The following KIF26B variants were observed in gnomAD, a reference collection of about 807,000 sequenced individuals.
KIF26B encodes the protein kinesin-like protein KIF26B.
A neutral mutation model predicts 151.2 loss-of-function variants in KIF26B; 63 were observed. The observed-to-expected ratio is 0.42, with a 90% CI of 0.34 to 0.51. The LOEUF (loss-of-function observed/expected upper bound fraction) is 0.51, where lower values mean the gene tolerates loss of function less well. Among genes scored for constraint, KIF26B ranks in the 20% least tolerant of loss-of-function variants. KIF26B has a pLI of 0.07. For synonymous variants in KIF26B, 1,357 were observed against 1,262.1 expected (o/e 1.08, Z -1.59); for missense variants, 2,813 against 2,913.6 (o/e 0.97, Z 0.79).
At chr1:245,405,101 A>G (rs1456983285) in intron 3 of KIF26B, among the ~76,000 whole-genome samples, 3 of 152,256 alleles carry the variant, frequency 2.0e-5, no homozygotes, top group Non-Finnish European at 4.4e-5. Context: ...CATCAGATGC[A>G]AAGTCTGTCA....
intron 2 of KIF26B, among the ~76,000 whole-genome samples, chr1:245,300,426 C>A (rs1372893177): frequency 6.6e-6 from 1 of 152,214 alleles, no homozygotes; most frequent in Non-Finnish European, 1.5e-5. Flanking sequence ...TTACTTCTAC[C>A]TCTCCTTTTT....
At chr1:245,273,435 A>C (rs1177979341) in intron 2 of KIF26B, among the ~76,000 whole-genome samples, 1 of 151,838 alleles carries the variant, frequency 6.6e-6, no homozygotes, top group East Asian at 1.9e-4. Context: ...AAAAAAAAAA[A>C]AAAAAACCCC....
At chr1:245,278,611 G>A (rs992824104) in intron 2 of KIF26B, among the ~76,000 whole-genome samples, 1 of 152,170 alleles carries the variant, frequency 6.6e-6, no homozygotes, top group African/African-American at 2.4e-5. Context: ...AAGGAAAGAT[G>A]AAGATAAATA....
rs200717016 is a variant in KIF26B, at chr1:245,471,123, G to GTATATA, written c.1166+51379_1166+51380insATATAT. ...ATTTAGATTTTGATAGTATGTGTGT[G>GTATATA]TGTGTGTGTATATATATATATATTT... On this transcript the variant is annotated intron_variant, in intron 4 of 14. Transcript: ENST00000407071. Among the ~76,000 whole-genome samples the GTATATA allele has an allele frequency of 1.3e-3, 182 of 139,662 alleles. 2 individuals carry two copies. The highest frequency in any genetic ancestry group is 4.4e-3 in the African/African-American group (176 of 39,586). The allele number at this position is 139,662 out of a possible 152,430, so 91.6% of individuals were successfully genotyped here.
chr1:245,522,838 C>G (rs74677752), intron 4 of KIF26B, among the ~76,000 whole-genome samples: 1,961 of 152,294 alleles, frequency 0.013, 38 homozygotes, highest in African/African-American at 0.044. Flanking sequence ...GCAGGGCTTA[C>G]AGCAAAGGCA....
At chr1:245,647,492 C>G (rs1464519732) in intron 10 of KIF26B, among the ~76,000 whole-genome samples, 1 of 149,706 alleles carries the variant, frequency 6.7e-6, no homozygotes, top group Non-Finnish European at 1.5e-5. Context: ...TGGCCAATAA[C>G]CAATGATGAA....
chr1:245,473,530 A>G (rs369113400), intron 4 of KIF26B, among the ~76,000 whole-genome samples: 1 of 147,132 alleles, frequency 6.8e-6, no homozygotes, highest in Non-Finnish European at 1.6e-5. Context: ...TCTTTCACTC[A>G]CTTGCTTTTT....
chr1:245,220,002 A>G (rs1435460593), intron 2 of KIF26B, among the ~76,000 whole-genome samples: 2 of 152,080 alleles, frequency 1.3e-5, no homozygotes, highest in Admixed American at 6.5e-5. Context: ...CCTTGCCTTC[A>G]TAGGAGACTT....
At chr1:245,544,404 G>A (rs1661692527) in intron 5 of KIF26B, among the ~76,000 whole-genome samples, 1 of 152,158 alleles carries the variant, frequency 6.6e-6, no homozygotes, top group Admixed American at 6.5e-5. Flanking sequence ...AGATGGCCCT[G>A]AAGGTGAGAG....
intron 14 of KIF26B, among the ~76,000 whole-genome samples, chr1:245,700,373 C>T (rs1421109761): frequency 2.0e-5 from 3 of 152,120 alleles, no homozygotes; most frequent in East Asian, 1.9e-4. Flanking sequence ...GTAATTATTA[C>T]TATTATCCCA....
rs1558271512 is a variant in KIF26B at position 245,686,895 on chromosome 1, T to A, written c.3912T>A (p.Phe1304Leu). Residue 1304 changes from phenylalanine (F) to leucine (L), a missense_variant, in exon 12 of 15, where the codon TTT (phenylalanine) becomes TTA (leucine). Coordinates refer to ENST00000407071, the MANE Select transcript of KIF26B (RefSeq NM_018012.4). This position sits in a 1 kb window ranked among gnomAD's most constrained non-coding sequence, Gnocchi z 5.6. ...ACAGTTTCATAGCCCAGACGTGTTT[T>A]GGGCACGGGGAGGCAATGGCAGAAC... ...SCHSFIAQTC[F>L]GHGEAMAEPV... 1 of 1,613,464 alleles carries A rather than the reference T, an allele frequency of 6.2e-7. No individual in the cohort carries two copies. The highest frequency in any genetic ancestry group is 8.5e-7 in the Non-Finnish European group (1 of 1,179,788).
intron 10 of KIF26B, among the ~76,000 whole-genome samples, chr1:245,680,751 A>T (rs2044423853): frequency 6.6e-6 from 1 of 152,198 alleles, no homozygotes; most frequent in Non-Finnish European, 1.5e-5. Context: ...TAACCCCAAA[A>T]TCAATACAGC....
At chr1:245,283,386 G>T (rs1182142378) in intron 2 of KIF26B, among the ~76,000 whole-genome samples, 2 of 152,032 alleles carry the variant, frequency 1.3e-5, no homozygotes, top group African/African-American at 2.4e-5. Flanking sequence ...TTTTTAGAGT[G>T]TTGCCCCCTA....
At position 245,166,264 on chromosome 1, in the gene KIF26B, C is replaced by CTTCCTTCCCTCT. The variant is rs1668612865; in HGVS notation, c.465+9590_465+9601dup. ...GATTCCTACCCTCCTTCCTTCCCTCCTTCCTTCCCTCTTTCCTTCCTTTTT... is the reference window on the plus strand; with the variant it reads ...GATTCCTACCCTCCTTCCTTCCCTCCTTCCTTCCCTCTTTCCTTCCCTCTTTCCTTCCTTTTT... On this transcript the variant is annotated intron_variant, in intron 2 of 14. Transcript: ENST00000407071. The surrounding 1 kb of genome is among the most constrained non-coding windows in gnomAD (Gnocchi z 4.5). Among the ~76,000 whole-genome samples, 1 of 152,184 alleles carries CTTCCTTCCCTCT rather than the reference C, an allele frequency of 6.6e-6. No homozygotes were observed. Among genetic ancestry groups the CTTCCTTCCCTCT allele is most frequent in the Admixed American group, 6.5e-5 (1 of 15,280 alleles).
chr1:245,419,811 C>A, intron 4 of KIF26B, 66 bp downstream of exon 4: 1 of 1,400,548 alleles, frequency 7.1e-7, no homozygotes, highest in Non-Finnish European at 9.8e-7. Flanking sequence ...CTCACGTGGA[C>A]TAGCTCAGCT....
chr1:245,241,556 C>G lies in KIF26B; in HGVS notation c.465+84873C>G, dbSNP rs897867929. ...TGCCTTACAGGTCACAGTCGAGGGC[C>G]TTCTTAAAAGCTGGCCCAAACCTGC... On this transcript the variant is annotated intron_variant, in intron 2 of 14. Coordinates refer to ENST00000407071, the MANE Select transcript of KIF26B (RefSeq NM_018012.4). This position sits in a 1 kb window ranked among gnomAD's most constrained non-coding sequence, Gnocchi z 5.0. Among the ~76,000 whole-genome samples the G allele has an allele frequency of 1.3e-5, 2 of 152,234 alleles. No individual in the cohort carries two copies. The highest frequency in any genetic ancestry group is 4.8e-5 in the African/African-American group (2 of 41,460).
chr1:245,672,160 A>C (rs1558262288), intron 10 of KIF26B, among the ~76,000 whole-genome samples: 1 of 151,346 alleles, frequency 6.6e-6, no homozygotes, highest in Non-Finnish European at 1.5e-5. Flanking sequence ...AGCCCCGAGG[A>C]CTCCATCTCG....
In KIF26B at chr1:245,687,205, G is replaced by A. The variant is rs2044539977; in HGVS notation, c.4222G>A (p.Glu1408Lys). 1.2e-6 allele frequency: 2 copies of A among 1,612,928 alleles called. No individual in the cohort carries two copies. The highest frequency in any genetic ancestry group is 8.5e-7 in the Non-Finnish European group (1 of 1,179,652). The change falls in exon 12 of 15, where the codon GAG becomes AAG. Residue 1408 changes from glutamate to lysine, a missense_variant. This residue lies in a region of KIF26B where 2,060 missense variants were observed against 2,088.6 expected (regional missense o/e 0.99). Coordinates refer to ENST00000407071, the MANE Select transcript of KIF26B (RefSeq NM_018012.4). This position sits in a 1 kb window ranked among gnomAD's most constrained non-coding sequence, Gnocchi z 4.9. ...GAGCCCCCGGAACATCCAAGAGCCG[G>A]AGGCCCCCACCGCCACCCCCAAAGC... Reference protein sequence around the residue: ...AMSPRNIQEPEAPTATPKAGP... With the variant: ...AMSPRNIQEPKAPTATPKAGP...
intron 9 of KIF26B, among the ~76,000 whole-genome samples, chr1:245,637,705 ATTC>A (rs2043850364): frequency 6.6e-6 from 1 of 152,030 alleles, no homozygotes; most frequent in Non-Finnish European, 1.5e-5. Context: ...CTCTAGTTTC[ATTC>A]TTCTGCATAT....
Sources: gnomAD v4.1 joint callset for allele counts (sites outside exome capture counted in the v4.1 genomes callset) on GRCh38, gnomAD v4.1.1 for gene constraint, gnomAD v4.1.1 regional missense constraint, Gnocchi (gnomAD v3.1) non-coding constraint, MANE v1.5 for transcripts, NCBI Gene and HGNC (gene_info 2026-07-23, HGNC 2026-07-21) for gene names.